Variants in FBXO34 observed in about 807,000 individuals in gnomAD.
FBXO34 encodes F-box only protein 34.
FBXO34 carries 12 observed loss-of-function variants against 24.5 expected under a neutral mutation model. The ratio of observed to expected loss-of-function variants is 0.49; its 90% CI spans 0.31 to 0.79. FBXO34 has a LOEUF of 0.79. Among genes scored for constraint, FBXO34 ranks in the 30% least tolerant of loss-of-function variants. FBXO34 has a pLI of 0.04. For missense variants in FBXO34, 823 were observed against 857.7 expected (o/e 0.96, Z 0.51); for synonymous variants, 320 against 311.9 (o/e 1.03, Z -0.27).
At position 55,352,451 on chromosome 14, in the gene FBXO34, G is replaced by C; in HGVS notation, c.2061G>C (p.Trp687Cys). ...GCKLGLHDNH[W>C]VPACHSFNRA... ...AGCTGGGGCTTCATGACAATCACTG[G>C]GTTCCTGCCTGCCACAGCTTTAATC... Residue 687 changes from tryptophan (W) to cysteine (C), a missense_variant, in exon 2 of 2, where the codon TGG (tryptophan) becomes TGC (cysteine). Physicochemically the swap from Trp to Cys is radical, Grantham distance 215. Around this residue, in one of 2 missense-constraint regions of FBXO34, gnomAD observed 130 missense variants for 198.6 expected, o/e 0.65. Coordinates refer to ENST00000313833, the MANE Select transcript of FBXO34 (RefSeq NM_017943.4). 2 of 1,614,128 alleles carry C rather than the reference G, an allele frequency of 1.2e-6. No individual in the cohort carries two copies. The highest frequency in any genetic ancestry group is 1.7e-6 in the Non-Finnish European group (2 of 1,179,996).
chr14:55,310,123 A>G (rs1882687043), intron 1 of FBXO34, among the ~76,000 whole-genome samples: 1 of 152,132 alleles, frequency 6.6e-6, no homozygotes, highest in East Asian at 1.9e-4. Flanking sequence ...TGAGATGGGG[A>G]TGGATGGAGG....
At chr14:55,421,259 A>G in the FBXO34 span, among the ~76,000 whole-genome samples, 2 of 148,102 alleles carry the variant, frequency 1.4e-5, no homozygotes, top group African/African-American at 2.5e-5. Context: ...TTCCCTAAGT[A>G]GGGTATGTAT....
chr14:55,422,006 A>T, the FBXO34 span, among the ~76,000 whole-genome samples: 1 of 152,220 alleles, frequency 6.6e-6, no homozygotes, highest in Non-Finnish European at 1.5e-5. Flanking sequence ...TAAAAATTAA[A>T]GTAATGAGGG....
At chr14:55,321,253 G>A (rs1883124782) in intron 1 of FBXO34, among the ~76,000 whole-genome samples, 1 of 150,814 alleles carries the variant, frequency 6.6e-6, no homozygotes, top group Non-Finnish European at 1.5e-5. Flanking sequence ...AGGAATATCA[G>A]AAGGATATTG....
intron 1 of FBXO34, among the ~76,000 whole-genome samples, chr14:55,336,496 A>G (rs960231325): frequency 6.6e-6 from 1 of 152,174 alleles, no homozygotes; most frequent in East Asian, 1.9e-4. Context: ...TACATAATGA[A>G]CATTTTAAGG....
At chr14:55,362,128 T>C (rs1884601931), downstream of FBXO34, among the ~76,000 whole-genome samples, 1 of 152,226 alleles carries the variant, frequency 6.6e-6, no homozygotes, top group Non-Finnish European at 1.5e-5. Flanking sequence ...ACTCTTTCAT[T>C]TGAACACTTA....
At chr14:55,418,518 A>G in the FBXO34 span, among the ~76,000 whole-genome samples, 3 of 152,312 alleles carry the variant, frequency 2.0e-5, no homozygotes, top group African/African-American at 7.2e-5. Flanking sequence ...TATGACATAT[A>G]CCAATTTACT....
chr14:55,394,558 G>A, the FBXO34 span, among the ~76,000 whole-genome samples: 1 of 152,104 alleles, frequency 6.6e-6, no homozygotes, highest in Non-Finnish European at 1.5e-5. Context: ...CAACTGAATA[G>A]CATGTACACT....
At chr14:55,296,076 G>A (rs950001507) in intron 1 of FBXO34, among the ~76,000 whole-genome samples, 1 of 152,116 alleles carries the variant, frequency 6.6e-6, no homozygotes, top group African/African-American at 2.4e-5. Flanking sequence ...ATCTTTTCAT[G>A]CCTGTAGTTG....
chr14:55,330,482 T>C (rs1408457726), intron 1 of FBXO34, among the ~76,000 whole-genome samples: 1 of 152,176 alleles, frequency 6.6e-6, no homozygotes, highest in Non-Finnish European at 1.5e-5. Flanking sequence ...GTAAAATAGC[T>C]TTCCGAAATC....
intron 1 of FBXO34, among the ~76,000 whole-genome samples, chr14:55,297,525 G>A (rs1302771051): frequency 2.6e-5 from 4 of 152,130 alleles, no homozygotes; most frequent in Non-Finnish European, 5.9e-5. Flanking sequence ...AGTGCACAGA[G>A]CATGTTAATT....
At chr14:55,437,136 A>G in the FBXO34 span, 2 of 874,732 alleles carry the variant, frequency 2.3e-6, no homozygotes, top group East Asian at 2.4e-5. Context: ...AGGCAGTTCA[A>G]GATTGCTTGT....
At chr14:55,350,299 A>C (rs1224723308) in intron 1 of FBXO34, 82 bp from the exon 2 acceptor site, 6 of 1,011,674 alleles carry the variant, frequency 5.9e-6, no homozygotes, top group Non-Finnish European at 8.3e-6. Context: ...GTTGCTAAGA[A>C]CCATCTGAGC....
At position 55,351,188 on chromosome 14, in the gene FBXO34, T is replaced by C. The variant is rs771146146; in HGVS notation, c.798T>C (p.Asn266=). ...GTGAAGAACCCACAGAAAGGGGAAA[T>C]CTTGAGGTTGGTGAACCACAGAGCG... The part of the protein sequence containing the change: ...GACEEPTERG[N]LEVGEPQSEP... Residue 266 remains asparagine, a synonymous_variant, in exon 2 of 2, where the codon AAT becomes AAC. Transcript: ENST00000313833. 1.2e-6 allele frequency: 2 copies of C among 1,614,162 alleles called. No homozygotes were observed. Among genetic ancestry groups the C allele is most frequent in the Non-Finnish European group, 1.7e-6 (2 of 1,180,028 alleles).
At chr14:55,324,046 A>G (rs895614919) in intron 1 of FBXO34, among the ~76,000 whole-genome samples, 1 of 152,068 alleles carries the variant, frequency 6.6e-6, no homozygotes, top group Non-Finnish European at 1.5e-5. Flanking sequence ...CCCATGGGTG[A>G]CAAAATGGGT....
chr14:55,320,333 T>C (rs973354963), intron 1 of FBXO34, among the ~76,000 whole-genome samples: 1 of 152,208 alleles, frequency 6.6e-6, no homozygotes, highest in Non-Finnish European at 1.5e-5. Flanking sequence ...CAAGACAAGC[T>C]CCTTTCTCAG....
At chr14:55,336,973 T>C (rs1014277305) in intron 1 of FBXO34, among the ~76,000 whole-genome samples, 1 of 97,936 alleles carries the variant, frequency 1.0e-5, no homozygotes. Flanking sequence ...CTCTTTTTTT[T>C]ATTTTATTTT....
the FBXO34 span, among the ~76,000 whole-genome samples, chr14:55,402,968 TAA>T: frequency 4.1e-3 from 248 of 60,984 alleles, 9 homozygotes; most frequent in South Asian, 7.3e-3. Context: ...TATATATATA[TAA>T]ATAGCTGGGC....
intron 1 of FBXO34, among the ~76,000 whole-genome samples, chr14:55,289,525 A>T (rs895523838): frequency 6.6e-6 from 1 of 151,874 alleles, no homozygotes; most frequent in Non-Finnish European, 1.5e-5. Context: ...CTTTCTATGT[A>T]TGTGTGTATG....
Sources: allele counts gnomAD v4.1 joint callset (sites outside exome capture counted in the v4.1 genomes callset), GRCh38; gene constraint gnomAD v4.1.1; regional missense constraint gnomAD v4.1.1; transcripts MANE v1.5; gene names NCBI Gene and HGNC (gene_info 2026-07-23, HGNC 2026-07-21).